Variants in TSGA10IP observed in about 807,000 individuals in gnomAD.
TSGA10IP encodes the protein testis specific 10 interacting protein, also known as testis-specific protein 10-interacting protein.
A neutral mutation model predicts 63.2 loss-of-function variants in TSGA10IP; 64 were observed. The ratio of observed to expected loss-of-function variants is 1.01; its 90% CI spans 0.83 to 1.25. TSGA10IP has a LOEUF of 1.25. Ranked by LOEUF, TSGA10IP falls within the 50% of genes most tolerant of loss-of-function variation. The pLI is 0.00. For missense variants in TSGA10IP, 681 were observed against 710.1 expected (o/e 0.96, Z 0.47); for synonymous variants, 316 against 298.3 (o/e 1.06, Z -0.61).
chr11:65,958,573 G>A (rs1855064018), intron 5 of TSGA10IP, among the ~76,000 whole-genome samples: 1 of 152,202 alleles, frequency 6.6e-6, no homozygotes, highest in Admixed American at 6.5e-5. Context: ...GCCAGCACTG[G>A]CCCCTTTCCC....
rs1175328867 is a variant in TSGA10IP at position 65,945,668 on chromosome 11, G to A, written c.-8G>A. The A allele has an allele frequency of 1.9e-6, 3 of 1,612,846 alleles. No individual in the cohort carries two copies. Among genetic ancestry groups the A allele is most frequent in the Admixed American group, 1.7e-5 (1 of 59,932 alleles). On this transcript the variant is annotated 5_prime_UTR_variant, in exon 1 of 8. An upstream start codon of the reference 5' UTR is lost. Coordinates refer to ENST00000532620, the Ensembl canonical transcript of TSGA10IP. ...CAGTTCTACGGTGCGGATGGGGGAT[G>A]GGGCAGGATGGGGCAGGACACCGAT...
At chr11:65,948,736 G>A (rs564156785) in intron 4 of TSGA10IP, among the ~76,000 whole-genome samples, 54 of 152,202 alleles carry the variant, frequency 3.5e-4, no homozygotes, top group Non-Finnish European at 6.0e-4. Flanking sequence ...CACTTTGGGA[G>A]GCCAAGGCGT....
chr11:65,955,110 C>G (rs965521923), intron 5 of TSGA10IP, among the ~76,000 whole-genome samples: 9 of 152,288 alleles, frequency 5.9e-5, no homozygotes, highest in Non-Finnish European at 1.2e-4. Flanking sequence ...GCTGTGTATG[C>G]GGAACCCCGA....
chr11:65,949,025 C>T (rs952597854), intron 4 of TSGA10IP, among the ~76,000 whole-genome samples: 1 of 151,772 alleles, frequency 6.6e-6, no homozygotes, highest in African/African-American at 2.4e-5. Context: ...CATAGCTAGA[C>T]CCCTGTCTCT....
intron 1 of TSGA10IP, among the ~76,000 whole-genome samples, chr11:65,946,072 A>C (rs1854827404): frequency 6.6e-6 from 1 of 152,218 alleles, no homozygotes; most frequent in Non-Finnish European, 1.5e-5. Flanking sequence ...AGCAGGTTTC[A>C]GGAAAGATGA....
intron 5 of TSGA10IP, among the ~76,000 whole-genome samples, chr11:65,957,244 C>T (rs1011214167): frequency 6.6e-6 from 1 of 151,904 alleles, no homozygotes; most frequent in Admixed American, 6.6e-5. Flanking sequence ...TCCAACTCCC[C>T]AGTTCAGACG....
chr11:65,957,208 T>G (rs1296809514), intron 5 of TSGA10IP, among the ~76,000 whole-genome samples: 3 of 152,056 alleles, frequency 2.0e-5, no homozygotes, highest in Non-Finnish European at 4.4e-5. Context: ...TGGAGTACAG[T>G]GGTGCAATCT....
At chr11:65,948,276 T>TCATC (rs200343600) in intron 4 of TSGA10IP, 128 bp downstream of exon 4, 62,218 of 1,048,270 alleles carry the variant, frequency 0.059, 2,781 homozygotes, top group South Asian at 0.15. Context: ...AACTTTTGGA[T>TCATC]CATCCATCCA....
chr11:65,951,703 G>A (rs1854945569), intron 4 of TSGA10IP, among the ~76,000 whole-genome samples: 1 of 150,238 alleles, frequency 6.7e-6, no homozygotes, highest in Non-Finnish European at 1.5e-5. Context: ...ACATCCAGCT[G>A]ATTTATTTTT....
rs565482555 is a variant in TSGA10IP at position 65,958,135 on chromosome 11, G to A, written c.1323-748G>A. 2.6e-5 allele frequency among the ~76,000 whole-genome samples: 4 copies of A among 152,148 alleles called. No individual in the cohort carries two copies. In the East Asian group the frequency reaches 7.7e-4, roughly 29 times the overall value. On this transcript the variant is annotated intron_variant, in intron 5 of 7. Coordinates refer to ENST00000532620, the Ensembl canonical transcript of TSGA10IP. ...TGTCTGGCTAATTTTTGTAGAGACAGGATTTCACCATGTTGCCCAGTCTGG... is the reference window on the plus strand; with the variant it reads ...TGTCTGGCTAATTTTTGTAGAGACAAGATTTCACCATGTTGCCCAGTCTGG...
Position 65,945,794 on chromosome 11 carries a change from T to G in TSGA10IP, c.119T>G (p.Leu40Arg), listed in dbSNP as rs1450938799. ...GGAACCAGAACGGGGCTGCTCAAGC[T>G]GCTGTCGACCGTCTCTCAGGACAAG... Residue 40 changes from leucine (L) to arginine (R), a missense_variant, in exon 1 of 8, where the codon CTG (leucine) becomes CGG (arginine). Transcript: ENST00000532620. 2.5e-6 allele frequency: 4 copies of G among 1,613,960 alleles called. No homozygotes were observed. The highest frequency in any genetic ancestry group is 1.3e-5 in the African/African-American group (1 of 75,032).
rs535472607 is a variant in TSGA10IP at position 65,947,057 on chromosome 11, A to G, written c.284+41A>G. On this transcript the variant is annotated intron_variant, in intron 2 of 7. Coordinates refer to ENST00000532620, the Ensembl canonical transcript of TSGA10IP. ...ATGGGTCAGGAGGCTGTTGGGGGTC[A>G]GGGCCCTCTGGGGGCTGGCGCCGAC... 1.9e-6 allele frequency: 3 copies of G among 1,611,172 alleles called. No individual in the cohort carries two copies. In the South Asian group the frequency reaches 3.3e-5, roughly 18 times the overall value.
intron 1 of TSGA10IP, 90 bp from the exon 2 acceptor site, chr11:65,946,790 C>A: frequency 6.8e-7 from 1 of 1,470,668 alleles, no homozygotes; most frequent in Non-Finnish European, 9.2e-7. Flanking sequence ...CAGGCCCAGC[C>A]AGGTGCACAG....
chr11:65,947,409 C>A, exon 3 of TSGA10IP: 4 of 1,613,402 alleles, frequency 2.5e-6, no homozygotes, highest in Non-Finnish European at 2.5e-6. Context: ...TCAGAGCCCC[C>A]CAGTGGTCTC....
At chr11:65,958,787 T>C in intron 5 of TSGA10IP, 96 bp from the exon 6 acceptor site, 1 of 968,990 alleles carries the variant, frequency 1.0e-6, no homozygotes, top group African/African-American at 1.6e-5. Context: ...GGTGAGGACA[T>C]GAATATCAAG....
chr11:65,946,853 T>G (rs1416524556), intron 1 of TSGA10IP, 27 bp from the exon 2 acceptor site: 1 of 1,610,862 alleles, frequency 6.2e-7, no homozygotes, highest in Non-Finnish European at 8.5e-7. Flanking sequence ...TCAAGCTGGC[T>G]GCTCCTCCCC....
At chr11:65,947,474 C>A in exon 3 of TSGA10IP, 1 of 1,613,306 alleles carries the variant, frequency 6.2e-7, no homozygotes, top group Non-Finnish European at 8.5e-7. Context: ...GCAGGTCCAG[C>A]TGCAAAGCCT....
chr11:65,947,078 C>T (rs767672534), intron 2 of TSGA10IP, 32 bp from the exon 3 acceptor site: 1 of 1,608,268 alleles, frequency 6.2e-7, no homozygotes, highest in Non-Finnish European at 8.5e-7. Context: ...GGGGCTGGCG[C>T]CGACCCTGAC....
Position 65,946,865 on chromosome 11 carries a change from A to C in TSGA10IP, c.148-15A>C, listed in dbSNP as rs757535182. The C allele has an allele frequency of 6.1e-5, 99 of 1,612,588 alleles. No individual in the cohort carries two copies. The highest frequency in any genetic ancestry group is 7.7e-5 in the Non-Finnish European group (91 of 1,179,428). ...TGCTCAAGCTGGCTGCTCCTCCCCT[A>C]CTGTCTCTGCCCAGGGCTGCCTGGG... is the stretch of plus-strand genomic sequence containing the variant. On this transcript the variant is annotated splice_polypyrimidine_tract_variant and intron_variant, in intron 1 of 7. Transcript: ENST00000532620.
Sources: allele counts gnomAD v4.1 joint callset (sites outside exome capture counted in the v4.1 genomes callset), GRCh38; gene constraint gnomAD v4.1.1; transcripts MANE v1.5; gene names NCBI Gene and HGNC (gene_info 2026-07-23, HGNC 2026-07-21).